Variants in DCP1B observed in about 807,000 individuals in gnomAD.
DCP1B encodes the protein decapping mRNA 1B.
Under a neutral mutation model 60.5 loss-of-function variants are expected in DCP1B, and 47 were observed. The observed-to-expected ratio is 0.78, with a 90% CI of 0.61 to 0.99. DCP1B has a LOEUF of 0.99. Among genes scored for constraint, DCP1B ranks in the 50% least tolerant of loss-of-function variants. The pLI, the probability that DCP1B is intolerant of heterozygous loss-of-function variation, is 0.00. For synonymous variants in DCP1B, 267 were observed against 280.3 expected (o/e 0.95, Z 0.47); for missense variants, 725 against 756.8 (o/e 0.96, Z 0.49).
chr12:1,950,834 T>A (rs1047669132), intron 7 of DCP1B, among the ~76,000 whole-genome samples: 2 of 152,064 alleles, frequency 1.3e-5, no homozygotes, highest in Non-Finnish European at 2.9e-5. Flanking sequence ...AAAATTCTTG[T>A]AGAGACAGGG....
chr12:2,003,596 T>C (rs2042681873), intron 1 of DCP1B, among the ~76,000 whole-genome samples: 1 of 152,224 alleles, frequency 6.6e-6, no homozygotes, highest in African/African-American at 2.4e-5. Flanking sequence ...TTCATTCCAT[T>C]ACCATTTACT....
At chr12:1,944,302 A>C (rs531939879), downstream of DCP1B, among the ~76,000 whole-genome samples, 1 of 152,210 alleles carries the variant, frequency 6.6e-6, no homozygotes, top group East Asian at 1.9e-4. Flanking sequence ...AGAAATGGAA[A>C]AACATTCCAT....
chr12:1,996,658 ACAAAC>A (rs2040982936), intron 2 of DCP1B, among the ~76,000 whole-genome samples: 2 of 74,032 alleles, frequency 2.7e-5, no homozygotes, highest in African/African-American at 6.5e-5. Flanking sequence ...AAAAAAAACA[ACAAAC>A]TCTTCTAATG....
At chr12:1,947,791 T>C (rs1027887352) in intron 8 of DCP1B, among the ~76,000 whole-genome samples, 1 of 152,212 alleles carries the variant, frequency 6.6e-6, no homozygotes, top group Non-Finnish European at 1.5e-5. Context: ...ATTGTTATTA[T>C]GCTTCTGCTG....
downstream of DCP1B, among the ~76,000 whole-genome samples, chr12:1,943,873 C>T (rs1230593433): frequency 6.6e-6 from 1 of 152,168 alleles, no homozygotes; most frequent in Non-Finnish European, 1.5e-5. Context: ...CCTTTGAAAA[C>T]TGGCACAAGA....
chr12:1,973,517 C>A (rs930700629), intron 3 of DCP1B, among the ~76,000 whole-genome samples: 3 of 152,160 alleles, frequency 2.0e-5, no homozygotes, highest in Non-Finnish European at 2.9e-5. Flanking sequence ...CAGATTTAAT[C>A]TTTTAGAAAG....
intron 7 of DCP1B, 91 bp downstream of exon 7, chr12:1,952,325 C>A: frequency 6.9e-7 from 1 of 1,439,240 alleles, no homozygotes; most frequent in Non-Finnish European, 9.2e-7. Flanking sequence ...AGGCGTGTGA[C>A]ACCAAGCCTG....
At chr12:1,969,231 T>TG (rs1306189253) in intron 3 of DCP1B, among the ~76,000 whole-genome samples, 7 of 152,152 alleles carry the variant, frequency 4.6e-5, no homozygotes, top group Non-Finnish European at 1.0e-4. Context: ...GACCAATGTC[T>TG]GGGCATGGAA....
chr12:1,958,762 C>G (rs1348867759), intron 5 of DCP1B, among the ~76,000 whole-genome samples: 1 of 135,794 alleles, frequency 7.4e-6, no homozygotes, highest in East Asian at 2.3e-4. Flanking sequence ...CGGAAGGAAA[C>G]AGGGGAAAAG....
At chr12:1,982,122 G>T (rs551225843) in intron 3 of DCP1B, among the ~76,000 whole-genome samples, 1 of 152,284 alleles carries the variant, frequency 6.6e-6, no homozygotes, top group Admixed American at 6.5e-5. Flanking sequence ...GGTTTTGGAT[G>T]GAGGGGATAA....
At chr12:1,999,585 G>C (rs981462882) in intron 1 of DCP1B, among the ~76,000 whole-genome samples, 1 of 151,994 alleles carries the variant, frequency 6.6e-6, no homozygotes, top group Non-Finnish European at 1.5e-5. Flanking sequence ...AATTAGCCAG[G>C]TGTGGTGGCA....
intron 3 of DCP1B, among the ~76,000 whole-genome samples, chr12:1,986,367 C>T (rs1056414792): frequency 1.3e-5 from 2 of 152,116 alleles, no homozygotes; most frequent in African/African-American, 4.8e-5. Flanking sequence ...CCCAGTCTTC[C>T]GACTACAAAG....
chr12:1,949,529 G>A (rs1860048), intron 7 of DCP1B, among the ~76,000 whole-genome samples, 195 bp from the exon 8 acceptor site: 72,998 of 152,044 alleles, frequency 0.48, 17,748 homozygotes, highest in East Asian at 0.73. Flanking sequence ...CTCTGGTATC[G>A]TCTGCTGTGG....
In DCP1B at chr12:1,946,223, T is replaced by A. The variant is rs1325516100; in HGVS notation, c.1837A>T (p.Met613Leu). Reference sequence around the variant, plus strand: ...CCTTGCTGTCACATAGTCTTTTTCATGGCTGCTTGAGTCATGCTGAAGAGA... The same window carrying A: ...CCTTGCTGTCACATAGTCTTTTTCAAGGCTGCTTGAGTCATGCTGAAGAGA... ...AYLFSMTQAA[M>L]KKTM is the part of the protein sequence containing the mutation. The change falls in exon 9 of 9, where the codon ATG (methionine) becomes TTG (leucine). Residue 613 changes from methionine to leucine, a missense_variant. Transcript: ENST00000280665. 2 of 1,606,152 alleles carry A rather than the reference T, an allele frequency of 1.2e-6. No individual in the cohort carries two copies. The highest frequency in any genetic ancestry group is 2.7e-5 in the African/African-American group (2 of 74,678).
At chr12:1,996,657 AACAAAC>A (rs2040979102) in intron 2 of DCP1B, among the ~76,000 whole-genome samples, 4 of 20,058 alleles carry the variant, frequency 2.0e-4, no homozygotes, top group African/African-American at 1.7e-3. Flanking sequence ...AAAAAAAAAC[AACAAAC>A]TCTTCTAATG....
At chr12:1,996,652 A>AC (rs2040952053) in intron 2 of DCP1B, among the ~76,000 whole-genome samples, 1 of 38,916 alleles carries the variant, frequency 2.6e-5, no homozygotes, top group Non-Finnish European at 4.9e-5. Flanking sequence ...AAAAAAAAAA[A>AC]AAACAACAAA....
At chr12:1,981,486 A>C (rs1385495658) in intron 3 of DCP1B, among the ~76,000 whole-genome samples, 1 of 152,248 alleles carries the variant, frequency 6.6e-6, no homozygotes, top group Admixed American at 6.5e-5. Context: ...AAGCCAGGAC[A>C]AAATATTATA....
chr12:1,960,578 G>T (rs555419299), intron 5 of DCP1B, among the ~76,000 whole-genome samples: 1 of 152,268 alleles, frequency 6.6e-6, no homozygotes, highest in African/African-American at 2.4e-5. Flanking sequence ...GGTAATACAT[G>T]TGTTAATTAG....
chr12:2,001,390 T>C (rs1413117063), intron 1 of DCP1B, among the ~76,000 whole-genome samples: 2 of 152,188 alleles, frequency 1.3e-5, no homozygotes, highest in African/African-American at 4.8e-5. Flanking sequence ...GATTTAATAT[T>C]ATACTGTATT....
Sources: gnomAD v4.1 joint callset for allele counts (sites outside exome capture counted in the v4.1 genomes callset) on GRCh38, gnomAD v4.1.1 for gene constraint, MANE v1.5 for transcripts, NCBI Gene and HGNC (gene_info 2026-07-23, HGNC 2026-07-21) for gene names.